GUCY2D: variants seen among roughly 807,000 people sequenced by gnomAD.
GUCY2D encodes the protein retinal guanylyl cyclase 1.
In GUCY2D, 70 loss-of-function variants were observed where a neutral mutation model predicts 101.3. That is an observed-to-expected ratio of 0.69 (90% CI 0.57 to 0.84). The LOEUF (loss-of-function observed/expected upper bound fraction) is 0.84, where lower values mean the gene tolerates loss of function less well. GUCY2D is among the 40% of genes least tolerant of loss of function. The pLI is 0.00. For missense variants in GUCY2D, 1,460 were observed against 1,542.5 expected, an observed-to-expected ratio of 0.95 and a Z score of 0.90; for synonymous variants, 688 against 670.7, an observed-to-expected ratio of 1.03 and a Z score of -0.40.
In GUCY2D at chr17:8,015,460, A is replaced by G; in HGVS notation, c.2902A>G (p.Met968Val). Residue 968 changes from methionine to valine, a missense_variant, in exon 15 of 20, where the codon ATG (methionine) becomes GTG (valine). Around this residue, in one of 3 missense-constraint regions of GUCY2D, gnomAD observed 215 missense variants for 227.9 expected, o/e 0.94. Coordinates refer to ENST00000254854, the MANE Select transcript of GUCY2D (RefSeq NM_000180.4). ...CGTGGGCACTTTCCGCATGCGCCAT[A>G]TGCCTGAGGTTCCCGTGCGCATCCG... ...SAVGTFRMRH[M>V]PEVPVRIRIG... 1 of 1,613,612 alleles carries G rather than the reference A, an allele frequency of 6.2e-7. No homozygotes were observed. The highest frequency in any genetic ancestry group is 1.1e-5 in the South Asian group (1 of 91,046).
At chr17:8,016,064 C>A in intron 17 of GUCY2D, 43 bp downstream of exon 17, 1 of 1,517,724 alleles carries the variant, frequency 6.6e-7, no homozygotes, top group Non-Finnish European at 9.0e-7. Flanking sequence ...CCGCCCTGTC[C>A]TGAGGCACCG....
rs768080447 is a variant in GUCY2D, at chr17:8,015,376, C to T, written c.2818C>T (p.Arg940Trp). ...AYMVASGLPQ[R>W]NGQRHAAEIA... ...TATGGTGGCCTCGGGGCTGCCCCAG[C>T]GGAATGGGCAGCGACACGCGGCAGA... is the stretch of plus-strand genomic sequence containing the variant. The change falls in exon 15 of 20, where the codon CGG becomes TGG. Residue 940 changes from arginine to tryptophan, a missense_variant. Arg to Trp is a moderately radical substitution (Grantham distance 101, BLOSUM62 -3). This residue lies in a region of GUCY2D where 49 missense variants were observed against 85.0 expected (regional missense o/e 0.58). Transcript: ENST00000254854. The T allele has an allele frequency of 1.9e-6, 3 of 1,612,308 alleles. No homozygotes were observed. Among genetic ancestry groups the T allele is most frequent in the East Asian group, 2.2e-5 (1 of 44,888 alleles).
Position 8,006,533 on chromosome 17 carries a change from GC to G in GUCY2D, c.1202del (p.Pro401HisfsTer5). On this transcript the variant is annotated frameshift_variant, in exon 4 of 20. Coordinates refer to ENST00000254854, the MANE Select transcript of GUCY2D (RefSeq NM_000180.4). LOFTEE classifies it high-confidence loss of function. Reference sequence around the variant, plus strand: ...GCGGGGACCTAGGAGGAGACGAGGAGCCCCCATTCGTGCTGCTAGACACGGA... The same window carrying G: ...GCGGGGACCTAGGAGGAGACGAGGAGCCCCATTCGTGCTGCTAGACACGGA... Reference protein sequence around the residue: ...FCGDLGGDEEPPFVLLDTDAA... With the variant: ...FCGDLGGDEEXPFVLLDTDAA... 2 of 1,611,852 alleles carry G rather than the reference GC, an allele frequency of 1.2e-6. No homozygotes were observed. Among genetic ancestry groups the G allele is most frequent in the Non-Finnish European group, 8.5e-7 (1 of 1,180,014 alleles).
In GUCY2D at chr17:8,016,303, C is replaced by T; in HGVS notation, c.3224+13C>T. The T allele has an allele frequency of 6.5e-7, 1 of 1,549,110 alleles. No homozygotes were observed. The highest frequency in any genetic ancestry group is 1.2e-5 in the South Asian group (1 of 84,616). ...ACCTGCAACCGGGGTGAGGGGCCGG[C>T]CTCCGCGGCAGGGCGAGGGACGAGG... On this transcript the variant is annotated intron_variant, in intron 18 of 19. Transcript: ENST00000254854.
rs770016889 is a variant in GUCY2D at position 8,012,281 on chromosome 17, C to A, written c.1887C>A (p.Asp629Glu). 53 of 1,613,890 alleles carry A rather than the reference C, an allele frequency of 3.3e-5. No homozygotes were observed. The highest frequency in any genetic ancestry group is 4.4e-5 in the Non-Finnish European group (52 of 1,179,928). The change falls in exon 9 of 20, where the codon GAC becomes GAA. Residue 629 changes from aspartate (D) to glutamate (E), a missense_variant. Physicochemically the swap from Asp to Glu is conservative, Grantham distance 45. This residue lies in a region of GUCY2D where 1,196 missense variants were observed against 1,229.6 expected (regional missense o/e 0.97). Transcript: ENST00000254854. The part of the protein sequence containing the change: ...SEHCTRGSLQ[D>E]LLAQREIKLD... ...ACTGCACGCGGGGCTCTCTTCAGGACCTCCTCGCTCAGAGAGAAATAAAGC... is the reference window on the plus strand; with the variant it reads ...ACTGCACGCGGGGCTCTCTTCAGGAACTCCTCGCTCAGAGAGAAATAAAGC...
At chr17:8,005,316 C>T (rs1975716902) in intron 3 of GUCY2D, among the ~76,000 whole-genome samples, 2 of 152,176 alleles carry the variant, frequency 1.3e-5, no homozygotes, top group Admixed American at 6.5e-5. Context: ...ACACCTTTCT[C>T]CAGATCAAGC....
intron 19 of GUCY2D, among the ~76,000 whole-genome samples, chr17:8,019,675 T>C (rs772442561): frequency 6.6e-6 from 1 of 152,264 alleles, no homozygotes; most frequent in Non-Finnish European, 1.5e-5. Context: ...TTCTGCTCTA[T>C]TCTCCTGTCT....
Position 8,014,740 on chromosome 17 carries a change from G to C in GUCY2D, c.2552G>C (p.Arg851Pro), listed in dbSNP as rs531982313. The C allele has an allele frequency of 6.2e-7, 1 of 1,613,844 alleles. No individual in the cohort carries two copies. The highest frequency in any genetic ancestry group is 8.5e-7 in the Non-Finnish European group (1 of 1,179,946). ...GAGCTGGAAAAGCAGAAGACAGACC[G>C]GCTGCTTACACAGATGCTGCCTCCG... ...ELELEKQKTDRLLTQMLPPSV... is the reference protein window; with the variant it reads ...ELELEKQKTDPLLTQMLPPSV... Residue 851 changes from arginine (R) to proline (P), a missense_variant, in exon 13 of 20, where the codon CGG (arginine) becomes CCG (proline). Physicochemically the swap from Arg to Pro is moderately radical, Grantham distance 103. This residue lies in a region of GUCY2D where 1,196 missense variants were observed against 1,229.6 expected (regional missense o/e 0.97). Transcript: ENST00000254854. The surrounding 1 kb of genome is among the most constrained non-coding windows in gnomAD (Gnocchi z 4.0).
rs573367793 is a variant in GUCY2D, at chr17:8,003,318, G to T, written c.271G>T (p.Ala91Ser). ...AARLNRDPGL[A>S]GGPRFEVALL... ...CCGCCTGAACCGCGACCCCGGCCTG[G>T]CAGGCGGTCCCCGCTTCGAGGTAGC... Residue 91 changes from alanine to serine, a missense_variant, in exon 2 of 20, where the codon GCA becomes TCA. Transcript: ENST00000254854. 2 of 1,483,540 alleles carry T rather than the reference G, an allele frequency of 1.3e-6. No individual in the cohort carries two copies. Among genetic ancestry groups the T allele is most frequent in the Admixed American group, 2.3e-5 (1 of 43,458 alleles). 91.9% of individuals were successfully genotyped at this position (1,483,540 alleles called of 1,614,324 possible). A position where few individuals can be genotyped will look rare whatever the true frequency, so the allele number is the denominator to read the frequency against.
At position 8,006,437 on chromosome 17, in the gene GUCY2D, C is replaced by T. The variant is rs374658427; in HGVS notation, c.1101C>T (p.Ala367=). The T allele has an allele frequency of 1.7e-5, 27 of 1,604,118 alleles. No individual in the cohort carries two copies. Among genetic ancestry groups the T allele is most frequent in the African/African-American group, 8.0e-5 (6 of 74,928 alleles). ...LARGVAEARA[A]AGGRWVSGAA... is the part of the protein sequence containing the mutation. ...GGGGCGTGGCAGAAGCGCGGGCTGC[C>T]GCAGGTGGCAGATGGGTGTCCGGAG... Residue 367 remains alanine, a synonymous_variant, in exon 4 of 20, where the codon GCC becomes GCT. Coordinates refer to ENST00000254854, the MANE Select transcript of GUCY2D (RefSeq NM_000180.4).
intron 7 of GUCY2D, 109 bp from the exon 8 acceptor site, chr17:8,009,397 A>G (rs749463421): frequency 1.3e-4 from 102 of 799,012 alleles, no homozygotes; most frequent in Non-Finnish European, 2.2e-4. Flanking sequence ...CACATGGAAG[A>G]TGCATTCTGG....
At position 8,006,450 on chromosome 17, in the gene GUCY2D, T is replaced by C; in HGVS notation, c.1114T>C (p.Trp372Arg). 1 of 1,605,266 alleles carries C rather than the reference T, an allele frequency of 6.2e-7. No homozygotes were observed. The highest frequency in any genetic ancestry group is 1.3e-5 in the African/African-American group (1 of 75,056). The change falls in exon 4 of 20, where the codon TGG (tryptophan) becomes CGG (arginine). Residue 372 changes from tryptophan (W) to arginine (R), a missense_variant. Physicochemically the swap from Trp to Arg is moderately radical, Grantham distance 101. Transcript: ENST00000254854. ...AEARAAAGGR[W>R]VSGAAVARHI... ...AGCGCGGGCTGCCGCAGGTGGCAGA[T>C]GGGTGTCCGGAGCAGCTGTGGCCCG...
chr17:8,009,214 T>C (rs1261103477), intron 7 of GUCY2D, among the ~76,000 whole-genome samples: 1 of 152,230 alleles, frequency 6.6e-6, no homozygotes, highest in African/African-American at 2.4e-5. Flanking sequence ...GTGATGTCGA[T>C]GACACTTGTG....
intron 19 of GUCY2D, among the ~76,000 whole-genome samples, chr17:8,018,499 G>A (rs1976016714): frequency 6.6e-6 from 1 of 152,000 alleles, no homozygotes; most frequent in Non-Finnish European, 1.5e-5. Context: ...CTACAAACTA[G>A]CCACCAAATT....
Position 8,003,302 on chromosome 17 carries a change from C to A in GUCY2D, c.255C>A (p.Asn85Lys). Residue 85 changes from asparagine to lysine, a missense_variant, in exon 2 of 20, where the codon AAC becomes AAA. By Grantham distance (94) the Asn-to-Lys change is moderately conservative (BLOSUM62 0). Transcript: ENST00000254854. ...CCCGCCTGGCCGCCGCCCGCCTGAA[C>A]CGCGACCCCGGCCTGGCAGGCGGTC... ...LAARLAAARL[N>K]RDPGLAGGPR... 6.7e-7 allele frequency: 1 copy of A among 1,488,194 alleles called. No individual in the cohort carries two copies. Among genetic ancestry groups the A allele is most frequent in the Non-Finnish European group, 8.9e-7 (1 of 1,125,586 alleles). The allele number at this position is 1,488,194 out of a possible 1,614,324, so 92.2% of individuals were successfully genotyped here. A position where few individuals can be genotyped will look rare whatever the true frequency, so the allele number is the denominator to read the frequency against.
At position 8,014,476 on chromosome 17, in the gene GUCY2D, T is replaced by G; in HGVS notation, c.2413-125T>G. On this transcript the variant is annotated intron_variant, in intron 12 of 19. Transcript: ENST00000254854. This position sits in a 1 kb window ranked among gnomAD's most constrained non-coding sequence, Gnocchi z 4.0. ...CCCGGGGTGCTTGATGAATAGTAGA[T>G]GAATGGTGGCAGCGGGGTTGGGGTT... 1.1e-6 allele frequency: 1 copy of G among 887,350 alleles called. No individual in the cohort carries two copies. The highest frequency in any genetic ancestry group is 1.9e-6 in the Non-Finnish European group (1 of 530,982). 55.0% of individuals were successfully genotyped at this position (887,350 alleles called of 1,614,324 possible). A position where few individuals can be genotyped will look rare whatever the true frequency, so the allele number is the denominator to read the frequency against.
At chr17:8,005,049 A>G (rs965703395) in intron 3 of GUCY2D, among the ~76,000 whole-genome samples, 1 of 152,184 alleles carries the variant, frequency 6.6e-6, no homozygotes, top group Non-Finnish European at 1.5e-5. Flanking sequence ...TTCAGCTCTC[A>G]GTAAGTACCA....
chr17:8,013,400 G>T lies in GUCY2D; in HGVS notation c.2263+148G>T. 2 of 830,406 alleles carry T rather than the reference G, an allele frequency of 2.4e-6. No homozygotes were observed. Among genetic ancestry groups the T allele is most frequent in the South Asian group, 2.9e-5 (2 of 68,704 alleles). The allele number at this position is 830,406 out of a possible 1,614,324, so 51.4% of individuals were successfully genotyped here. A position where few individuals can be genotyped will look rare whatever the true frequency, so the allele number is the denominator to read the frequency against. On this transcript the variant is annotated intron_variant, in intron 11 of 19. Coordinates refer to ENST00000254854, the MANE Select transcript of GUCY2D (RefSeq NM_000180.4). This position sits in a 1 kb window ranked among gnomAD's most constrained non-coding sequence, Gnocchi z 5.0. ...TTAAAGCTGGCATCTGCAGGTCTGG[G>T]TGCAGAAAGCCGTGCATGGCCAGGG...
chr17:8,003,222 C>G lies in GUCY2D; in HGVS notation c.175C>G (p.Leu59Val). The change falls in exon 2 of 20, where the codon CTG becomes GTG. Residue 59 changes from leucine (L) to valine (V), a missense_variant. Physicochemically the swap from Leu to Val is conservative, Grantham distance 32 (BLOSUM62 1). Transcript: ENST00000254854. ...CTCCGCCGTGTTCACGGTGGGGGTCCTGGGCCCCTGGGCTTGCGACCCCAT... is the reference window on the plus strand; with the variant it reads ...CTCCGCCGTGTTCACGGTGGGGGTCGTGGGCCCCTGGGCTTGCGACCCCAT... Reference protein sequence around the residue: ...ALSAVFTVGVLGPWACDPIFS... With the variant: ...ALSAVFTVGVVGPWACDPIFS... 6.6e-7 allele frequency: 1 copy of G among 1,518,906 alleles called. No individual in the cohort carries two copies. Among genetic ancestry groups the G allele is most frequent in the South Asian group, 1.2e-5 (1 of 81,310 alleles). 94.1% of individuals were successfully genotyped at this position (1,518,906 alleles called of 1,614,324 possible).
Sources: allele counts gnomAD v4.1 joint callset (sites outside exome capture counted in the v4.1 genomes callset), GRCh38; gene constraint gnomAD v4.1.1; regional missense constraint gnomAD v4.1.1; non-coding constraint Gnocchi (gnomAD v3.1); transcripts MANE v1.5; gene names NCBI Gene and HGNC (gene_info 2026-07-23, HGNC 2026-07-21).